Variants in TACR3 observed in about 807,000 individuals in gnomAD.
The protein encoded by TACR3 is tachykinin receptor 3, also known as neuromedin-K receptor.
In TACR3, 34 loss-of-function variants were observed where a neutral mutation model predicts 35.0. The observed-to-expected ratio is 0.97, with a 90% CI of 0.74 to 1.30. The LOEUF (loss-of-function observed/expected upper bound fraction) is 1.30. TACR3 is among the 50% of genes most tolerant of loss of function. The probability of loss-of-function intolerance (pLI) is 0.00; values close to 1 mark genes in which losing one functional copy is unlikely to be tolerated. For synonymous variants in TACR3, 233 were observed against 221.1 expected, an observed-to-expected ratio of 1.05 and a Z score of -0.48; for missense variants, 558 against 591.7, an observed-to-expected ratio of 0.94 and a Z score of 0.59.
At chr4:103,656,080 A>G in intron 3 of TACR3, 114 bp downstream of exon 3, 1 of 1,333,678 alleles carries the variant, frequency 7.5e-7, no homozygotes, top group South Asian at 1.3e-5. Flanking sequence ...AAAGACATTA[A>G]AAACAGGAGT....
chr4:103,633,090 C>T (rs1300850287), intron 3 of TACR3, among the ~76,000 whole-genome samples: 3 of 151,908 alleles, frequency 2.0e-5, no homozygotes, highest in Non-Finnish European at 4.4e-5. Context: ...AATGCAGTTC[C>T]TAGACCTTAG....
chr4:103,708,996 T>C (rs1244411634), intron 1 of TACR3, among the ~76,000 whole-genome samples: 3 of 152,104 alleles, frequency 2.0e-5, no homozygotes, highest in Non-Finnish European at 4.4e-5. Flanking sequence ...CCAAGAAATA[T>C]GGGACTATGT....
At chr4:103,603,696 G>C (rs1001967376) in intron 3 of TACR3, among the ~76,000 whole-genome samples, 1 of 152,162 alleles carries the variant, frequency 6.6e-6, no homozygotes, top group African/African-American at 2.4e-5. Context: ...CCAGTAATGG[G>C]ATTGCTGGGT....
intron 3 of TACR3, among the ~76,000 whole-genome samples, chr4:103,649,882 G>A (rs538360193): frequency 4.6e-5 from 7 of 152,128 alleles, no homozygotes; most frequent in Admixed American, 2.6e-4. Flanking sequence ...GTTTTCCTGG[G>A]TGATCCTGAA....
In TACR3 at chr4:103,591,630, G is replaced by A. The variant is rs1283921447; in HGVS notation, c.942C>T (p.Pro314=). ...VVMTFAICWL[P]YHIYFILTAI... ...CAGTGAGAATGAAGTAAATATGATA[G>A]GGCAGCCAGCAGATAGCAAATGTCA... The change falls in exon 4 of 5, where the codon CCC becomes CCT. Residue 314 remains proline, a synonymous_variant. Coordinates refer to ENST00000304883, the MANE Select transcript of TACR3 (RefSeq NM_001059.3). 2.5e-6 allele frequency: 4 copies of A among 1,613,512 alleles called. No homozygotes were observed. The highest frequency in any genetic ancestry group is 2.5e-6 in the Non-Finnish European group (3 of 1,179,796).
chr4:103,696,535 TCTC>T (rs1224000516), intron 1 of TACR3, among the ~76,000 whole-genome samples: 2 of 152,178 alleles, frequency 1.3e-5, no homozygotes, highest in African/African-American at 4.8e-5. Flanking sequence ...GACAAAGCAT[TCTC>T]CTTTTTTCTA....
intron 3 of TACR3, among the ~76,000 whole-genome samples, chr4:103,610,682 C>A (rs1021460774): frequency 4.6e-5 from 7 of 152,012 alleles, no homozygotes; most frequent in Non-Finnish European, 8.8e-5. Flanking sequence ...CTTTTGAGGT[C>A]TTATTCAAAA....
intron 3 of TACR3, among the ~76,000 whole-genome samples, chr4:103,617,128 G>A (rs1185363886): frequency 6.6e-6 from 1 of 152,022 alleles, no homozygotes; most frequent in Non-Finnish European, 1.5e-5. Flanking sequence ...TATGAGACAT[G>A]TGAATAAATA....
intron 1 of TACR3, among the ~76,000 whole-genome samples, chr4:103,678,294 G>C (rs144487550): frequency 2.0e-5 from 3 of 152,096 alleles, no homozygotes; most frequent in African/African-American, 7.2e-5. Context: ...GGCAGTGCCA[G>C]TGTATTCTCT....
rs142876801 is a variant in TACR3 at position 103,627,071 on chromosome 4, C to T, written c.888+29123G>A. Among the ~76,000 whole-genome samples the T allele has an allele frequency of 0.014, 2,080 of 147,438 alleles. 122 individuals are homozygous for T. In the East Asian group the frequency reaches 0.2, roughly 14 times the overall value. On this transcript the variant is annotated intron_variant, in intron 3 of 4. Transcript: ENST00000304883. ...GTGGCAGGCACCTGTAGTCCCAGCT[C>T]CTTGGGAGGCTGAGGCAGGAGAATC...
chr4:103,696,217 C>A (rs1475222806), intron 1 of TACR3, among the ~76,000 whole-genome samples: 1 of 151,880 alleles, frequency 6.6e-6, no homozygotes, highest in Non-Finnish European at 1.5e-5. Context: ...ACTTGGAAAT[C>A]AAAATGATCA....
At chr4:103,595,388 G>A (rs1056287596) in intron 3 of TACR3, among the ~76,000 whole-genome samples, 1 of 152,140 alleles carries the variant, frequency 6.6e-6, no homozygotes, top group African/African-American at 2.4e-5. Context: ...GGAAAGTGGG[G>A]ACATGTAATG....
intron 3 of TACR3, among the ~76,000 whole-genome samples, chr4:103,610,093 C>T (rs2110296725): frequency 6.6e-6 from 1 of 152,182 alleles, no homozygotes; most frequent in East Asian, 1.9e-4. Flanking sequence ...GTGCAGGTAT[C>T]TCTTCAACAT....
At chr4:103,603,389 CTGCACCCACTGTCT>C (rs968856927) in intron 3 of TACR3, among the ~76,000 whole-genome samples, 1 of 152,224 alleles carries the variant, frequency 6.6e-6, no homozygotes, top group Non-Finnish European at 1.5e-5. Flanking sequence ...GCACGGTGCG[CTGCACCCACTGTCT>C]TGCACCTACT....
chr4:103,658,798 G>A (rs1425623417), intron 1 of TACR3, among the ~76,000 whole-genome samples: 1 of 152,084 alleles, frequency 6.6e-6, no homozygotes, highest in Non-Finnish European at 1.5e-5. Flanking sequence ...GTGAGGGAGC[G>A]ATGGTGTGGG....
intron 3 of TACR3, 145 bp downstream of exon 3, chr4:103,656,049 G>T (rs113449879): frequency 2.2e-5 from 22 of 1,021,902 alleles, no homozygotes; most frequent in African/African-American, 2.1e-4. Flanking sequence ...AAAACCAAAA[G>T]AAAAGAAAAA....
intron 3 of TACR3, among the ~76,000 whole-genome samples, chr4:103,612,075 T>C (rs1373426822): frequency 6.6e-6 from 1 of 152,178 alleles, no homozygotes. Flanking sequence ...TACCCTCTAC[T>C]TAAAATAATT....
chr4:103,704,671 C>T (rs1368228950), intron 1 of TACR3, among the ~76,000 whole-genome samples: 2 of 152,156 alleles, frequency 1.3e-5, no homozygotes, highest in African/African-American at 4.8e-5. Context: ...TACCTGGTTC[C>T]TCCCTTGACA....
At chr4:103,596,195 G>A (rs1578217722) in intron 3 of TACR3, among the ~76,000 whole-genome samples, 5 of 150,524 alleles carry the variant, frequency 3.3e-5, no homozygotes, top group African/African-American at 7.3e-5. Flanking sequence ...ATTGTGAATA[G>A]TGCCGCAATA....
Sources: allele counts gnomAD v4.1 joint callset (sites outside exome capture counted in the v4.1 genomes callset), GRCh38; gene constraint gnomAD v4.1.1; transcripts MANE v1.5; gene names NCBI Gene and HGNC (gene_info 2026-07-23, HGNC 2026-07-21).